Variants in NTM observed in about 807,000 individuals in gnomAD.
NTM encodes the protein IgLON family member 2.
A neutral mutation model predicts 42.1 loss-of-function variants in NTM; 13 were observed. That is an observed-to-expected ratio of 0.31 (90% CI 0.20 to 0.49). The LOEUF (loss-of-function observed/expected upper bound fraction) is 0.49, where lower values mean the gene tolerates loss of function less well. Ranked by LOEUF, NTM falls within the 20% of genes least tolerant of loss-of-function variation. The probability of loss-of-function intolerance (pLI) is 0.99; values close to 1 mark genes in which losing one functional copy is unlikely to be tolerated. For synonymous variants in NTM, 187 were observed against 179.2 expected, an observed-to-expected ratio of 1.04 and a Z score of -0.35; for missense variants, 373 against 452.8, an observed-to-expected ratio of 0.82 and a Z score of 1.60.
chr11:131,705,050 C>G (rs1259509953), intron 1 of NTM, among the ~76,000 whole-genome samples: 3 of 152,096 alleles, frequency 2.0e-5, no homozygotes, highest in Non-Finnish European at 4.4e-5. Flanking sequence ...AATGGGGCAG[C>G]AAGGTCATTT....
chr11:131,478,944 T>C (rs1170935221), intron 1 of NTM, among the ~76,000 whole-genome samples: 1 of 152,206 alleles, frequency 6.6e-6, no homozygotes, highest in Non-Finnish European at 1.5e-5. Context: ...AAAATGTGGG[T>C]TCCACGCAGC....
intron 4 of NTM, among the ~76,000 whole-genome samples, chr11:132,213,533 C>T (rs1411111159): frequency 2.0e-5 from 3 of 152,052 alleles, no homozygotes; most frequent in Admixed American, 6.5e-5. Context: ...CATAAGTCCT[C>T]TGCTCCTGAA....
At chr11:131,382,667 A>G (rs1460838947) in intron 1 of NTM, among the ~76,000 whole-genome samples, 3 of 152,128 alleles carry the variant, frequency 2.0e-5, no homozygotes, top group Non-Finnish European at 4.4e-5. Context: ...CATAGACCCT[A>G]CTTATCTTAT....
intron 2 of NTM, among the ~76,000 whole-genome samples, chr11:131,941,534 C>T (rs1036807119): frequency 1.3e-5 from 2 of 152,144 alleles, no homozygotes; most frequent in African/African-American, 4.8e-5. Flanking sequence ...TCTGTCTCTC[C>T]CCTGGAACTT....
At chr11:131,492,995 A>C (rs1040983828) in intron 1 of NTM, among the ~76,000 whole-genome samples, 1 of 152,158 alleles carries the variant, frequency 6.6e-6, no homozygotes, top group African/African-American at 2.4e-5. Flanking sequence ...AGGCAGGCAG[A>C]TCGCTTGAGC....
intron 1 of NTM, among the ~76,000 whole-genome samples, chr11:131,660,064 C>T (rs867553529): frequency 6.6e-5 from 10 of 152,142 alleles, no homozygotes; most frequent in Admixed American, 3.3e-4. Flanking sequence ...TCCTTACAGC[C>T]GACAGAACCG....
At chr11:131,635,625 TTTA>T (rs2064268063) in intron 1 of NTM, among the ~76,000 whole-genome samples, 1 of 152,174 alleles carries the variant, frequency 6.6e-6, no homozygotes, top group Admixed American at 6.5e-5. Context: ...CTAAAGTTAA[TTTA>T]TTATTGAATA....
At chr11:131,713,284 C>T (rs571360319) in intron 1 of NTM, among the ~76,000 whole-genome samples, 41 of 152,264 alleles carry the variant, frequency 2.7e-4, no homozygotes, top group Middle Eastern at 6.8e-3. Flanking sequence ...GAAAACATAA[C>T]AATCTGGTGA....
At chr11:131,763,709 CTTTTTTTTTTTT>C (rs557522093) in intron 1 of NTM, among the ~76,000 whole-genome samples, 2 of 71,362 alleles carry the variant, frequency 2.8e-5, no homozygotes, top group African/African-American at 5.6e-5. Context: ...ATCTCTCTCT[CTTTTTTTTTTTT>C]TTTTTTTTTT....
chr11:131,916,345 G>A (rs1432250198), intron 2 of NTM, among the ~76,000 whole-genome samples: 6 of 152,208 alleles, frequency 3.9e-5, no homozygotes, highest in Non-Finnish European at 7.3e-5. Flanking sequence ...CCCCAATTAA[G>A]GCAGCAGCTA....
At chr11:131,797,744 G>A (rs1030034860) in intron 1 of NTM, among the ~76,000 whole-genome samples, 1 of 152,100 alleles carries the variant, frequency 6.6e-6, no homozygotes, top group African/African-American at 2.4e-5. Flanking sequence ...AATTACTTTA[G>A]TATGTATCAC....
intron 1 of NTM, among the ~76,000 whole-genome samples, chr11:131,425,000 C>T (rs1947979389): frequency 6.6e-6 from 1 of 151,734 alleles, no homozygotes; most frequent in African/African-American, 2.4e-5. Flanking sequence ...CTGCATCAGC[C>T]TCCCAAGTAG....
At chr11:131,861,913 G>C (rs1015328245) in intron 1 of NTM, among the ~76,000 whole-genome samples, 1 of 152,086 alleles carries the variant, frequency 6.6e-6, no homozygotes, top group Non-Finnish European at 1.5e-5. Context: ...AATGCACGTG[G>C]GTCTGGTCAG....
chr11:131,883,219 T>C (rs536796732), intron 1 of NTM, among the ~76,000 whole-genome samples: 13 of 152,304 alleles, frequency 8.5e-5, no homozygotes, highest in Admixed American at 7.8e-4. Flanking sequence ...TTATAGTGCA[T>C]CTTCTAATAA....
intron 1 of NTM, among the ~76,000 whole-genome samples, chr11:131,815,966 G>C (rs1378187201): frequency 2.6e-5 from 4 of 152,158 alleles, no homozygotes; most frequent in African/African-American, 9.7e-5. Flanking sequence ...GATGGGGAGA[G>C]AGATGGCGGT....
intron 1 of NTM, among the ~76,000 whole-genome samples, chr11:131,738,510 G>T (rs1004317028): frequency 2.0e-5 from 3 of 152,174 alleles, no homozygotes; most frequent in African/African-American, 7.2e-5. Flanking sequence ...AAATTTTCCG[G>T]AGTCATGAAA....
At position 131,789,425 on chromosome 11, in the gene NTM, AG is replaced by A. The variant is rs1253662561; in HGVS notation, c.83-122138del. 9.8e-4 allele frequency among the ~76,000 whole-genome samples: 19 copies of A among 19,374 alleles called. 4 individuals carry two copies. The highest frequency in any genetic ancestry group is 1.6e-3 in the African/African-American group (6 of 3,650). The allele number at this position is 19,374 out of a possible 152,430, so 12.7% of individuals were successfully genotyped here. ...TTGCTGCAGTTAAAAGAAAAAAAGAAGAAGGAAGAAGAAGAAGAAGAAGAAG... is the reference window on the plus strand; with the variant it reads ...TTGCTGCAGTTAAAAGAAAAAAAGAAAAGGAAGAAGAAGAAGAAGAAGAAG... On this transcript the variant is annotated intron_variant, in intron 1 of 8. Coordinates refer to ENST00000683400, the MANE Select transcript of NTM (RefSeq NM_001352005.2).
intron 1 of NTM, among the ~76,000 whole-genome samples, chr11:131,775,230 G>A: frequency 6.6e-6 from 1 of 152,188 alleles, no homozygotes; most frequent in East Asian, 1.9e-4. Context: ...TGTTAGATTT[G>A]GAGCATTACA....
chr11:132,007,683 C>T (rs1378248930), intron 2 of NTM, among the ~76,000 whole-genome samples: 1 of 152,172 alleles, frequency 6.6e-6, no homozygotes, highest in Non-Finnish European at 1.5e-5. Flanking sequence ...AATCATCCAC[C>T]TGATTTGCAT....
Sources: allele counts gnomAD v4.1 joint callset (sites outside exome capture counted in the v4.1 genomes callset), GRCh38; gene constraint gnomAD v4.1.1; transcripts MANE v1.5; gene names NCBI Gene and HGNC (gene_info 2026-07-23, HGNC 2026-07-21).